Variants in IGF2BP2 observed in about 807,000 individuals in gnomAD.
IGF2BP2 encodes the protein insulin-like growth factor 2 mRNA-binding protein 2.
IGF2BP2 carries 17 observed loss-of-function variants against 75.8 expected under a neutral mutation model. The ratio of observed to expected loss-of-function variants is 0.22; its 90% CI spans 0.15 to 0.34. IGF2BP2 has a LOEUF of 0.34. IGF2BP2 is among the 10% of genes least tolerant of loss of function. IGF2BP2 has a pLI of 1.00. For synonymous variants in IGF2BP2, 288 were observed against 295.6 expected (o/e 0.97, Z 0.26); for missense variants, 516 against 772.4 (o/e 0.67, Z 3.93).
intron 2 of IGF2BP2, among the ~76,000 whole-genome samples, chr3:185,752,082 G>A (rs2149637756): frequency 6.6e-6 from 1 of 152,232 alleles, no homozygotes; most frequent in South Asian, 2.1e-4. Flanking sequence ...TTAGTATATT[G>A]TACAAGTCTT....
At chr3:185,678,219 T>C (rs1719845254) in intron 7 of IGF2BP2, among the ~76,000 whole-genome samples, 1 of 152,230 alleles carries the variant, frequency 6.6e-6, no homozygotes. Flanking sequence ...AAAGCAATTG[T>C]GACATACAAA....
At chr3:185,728,596 T>C (rs965327779) in intron 2 of IGF2BP2, 1 of 152,228 alleles carries the variant, frequency 6.6e-6, no homozygotes, top group Non-Finnish European at 1.5e-5. Context: ...GTGAGTCTTA[T>C]AATTTTCAAA....
intron 7 of IGF2BP2, among the ~76,000 whole-genome samples, chr3:185,685,563 T>C (rs947101066): frequency 1.3e-5 from 2 of 152,214 alleles, no homozygotes; most frequent in East Asian, 3.8e-4. Context: ...GGAACACTCA[T>C]GTTTGACATT....
chr3:185,759,526 C>T (rs375772376), intron 2 of IGF2BP2, among the ~76,000 whole-genome samples: 4 of 152,098 alleles, frequency 2.6e-5, no homozygotes, highest in Non-Finnish European at 5.9e-5. Flanking sequence ...CTGTAAAGGG[C>T]GAAACTACGC....
chr3:185,766,083 T>C (rs1232127224), intron 2 of IGF2BP2, among the ~76,000 whole-genome samples: 2 of 152,158 alleles, frequency 1.3e-5, no homozygotes, highest in African/African-American at 4.8e-5. Context: ...AAGAACCCGA[T>C]GGCTGGGTAG....
intron 4 of IGF2BP2, among the ~76,000 whole-genome samples, chr3:185,695,324 T>C (rs946256274): frequency 6.6e-6 from 1 of 152,184 alleles, no homozygotes; most frequent in Non-Finnish European, 1.5e-5. Context: ...TAAGTGAACT[T>C]GAACAATCCC....
chr3:185,737,131 A>G (rs1394476065), intron 2 of IGF2BP2, among the ~76,000 whole-genome samples: 1 of 152,174 alleles, frequency 6.6e-6, no homozygotes, highest in Non-Finnish European at 1.5e-5. Context: ...TGATGTTTAC[A>G]TCCTTCACAT....
At chr3:185,748,383 A>G (rs1490633965) in intron 2 of IGF2BP2, among the ~76,000 whole-genome samples, 1 of 152,198 alleles carries the variant, frequency 6.6e-6, no homozygotes, top group Admixed American at 6.5e-5. Context: ...TAGCAACTGG[A>G]AAATAGAAAA....
intron 2 of IGF2BP2, among the ~76,000 whole-genome samples, chr3:185,815,273 C>G (rs981151514): frequency 2.0e-5 from 3 of 152,168 alleles, no homozygotes; most frequent in African/African-American, 7.2e-5. Context: ...TAAAAATATA[C>G]TGAACTTGAG....
Position 185,649,447 on chromosome 3 carries a change from G to A in IGF2BP2, c.1549C>T (p.Pro517Ser). The A allele has an allele frequency of 6.2e-7, 1 of 1,614,034 alleles. No homozygotes were observed. The highest frequency in any genetic ancestry group is 8.5e-7 in the Non-Finnish European group (1 of 1,180,006). ...ATCACCCGGCCAGCTGTGGAAGAGG[G>A]CACTCTGATATGCGCTTCCAGCTTC... ...EVKLEAHIRV[P>S]SSTAGRVIGK... The change falls in exon 14 of 16, where the codon CCC becomes TCC. Residue 517 changes from proline (P) to serine (S), a missense_variant. Coordinates refer to ENST00000382199, the MANE Select transcript of IGF2BP2 (RefSeq NM_006548.6).
chr3:185,684,282 A>T (rs1477233788), intron 7 of IGF2BP2, among the ~76,000 whole-genome samples: 3 of 152,028 alleles, frequency 2.0e-5, no homozygotes, highest in African/African-American at 7.2e-5. Flanking sequence ...GGGCTCTGTC[A>T]CCTACACAGG....
At chr3:185,702,334 T>C (rs1723417846) in intron 2 of IGF2BP2, among the ~76,000 whole-genome samples, 1 of 151,984 alleles carries the variant, frequency 6.6e-6, no homozygotes, top group Non-Finnish European at 1.5e-5. Flanking sequence ...GGGAAGGAGG[T>C]GTTCGTTTCC....
chr3:185,740,307 T>C (rs1729379396), intron 2 of IGF2BP2, among the ~76,000 whole-genome samples: 1 of 152,248 alleles, frequency 6.6e-6, no homozygotes, highest in African/African-American at 2.4e-5. Context: ...ACCATTCATT[T>C]ACCATTTAAT....
intron 2 of IGF2BP2, among the ~76,000 whole-genome samples, chr3:185,702,755 T>C (rs932798042): frequency 6.6e-6 from 1 of 152,066 alleles, no homozygotes; most frequent in African/African-American, 2.4e-5. Flanking sequence ...CCCATCTCTA[T>C]CTTTAAACAC....
At chr3:185,824,313 G>C (rs776250301) in intron 1 of IGF2BP2, among the ~76,000 whole-genome samples, 3 of 151,504 alleles carry the variant, frequency 2.0e-5, no homozygotes, top group African/African-American at 4.9e-5. Context: ...GAGAGGTTCT[G>C]GGCACGAGGC....
At chr3:185,746,559 G>C (rs945347122) in intron 2 of IGF2BP2, among the ~76,000 whole-genome samples, 4 of 152,086 alleles carry the variant, frequency 2.6e-5, no homozygotes, top group African/African-American at 9.7e-5. Flanking sequence ...AATGTCTCTC[G>C]CTTCTGGATC....
Position 185,643,773 on chromosome 3 carries a change from T to A in IGF2BP2, c.*1758A>T, listed in dbSNP as rs1280939236. ...CTGGATATATTTCTGTTTTTTCTTT[T>A]TTTTTCTTTTTTTTTTTTTTTTTTT... On this transcript the variant is annotated 3_prime_UTR_variant, in exon 16 of 16. Coordinates refer to ENST00000382199, the MANE Select transcript of IGF2BP2 (RefSeq NM_006548.6). The A allele has an allele frequency of 7.1e-6, 1 of 141,524 alleles. No homozygotes were observed. The highest frequency in any genetic ancestry group is 2.8e-5 in the African/African-American group (1 of 35,232). The allele number at this position is 141,524 out of a possible 1,614,324, so 8.8% of individuals were successfully genotyped here.
At chr3:185,652,392 G>C (rs551076466) in intron 12 of IGF2BP2, among the ~76,000 whole-genome samples, 2 of 152,318 alleles carry the variant, frequency 1.3e-5, no homozygotes, top group Non-Finnish European at 2.9e-5. Flanking sequence ...GGGACAGTCA[G>C]ACACAGGCCA....
At chr3:185,661,281 A>T (rs1278793230) in intron 10 of IGF2BP2, among the ~76,000 whole-genome samples, 1 of 152,226 alleles carries the variant, frequency 6.6e-6, no homozygotes, top group Admixed American at 6.5e-5. Flanking sequence ...ATCCACAAAC[A>T]GACTCAAATA....
Sources: allele counts gnomAD v4.1 joint callset (sites outside exome capture counted in the v4.1 genomes callset), GRCh38; gene constraint gnomAD v4.1.1; transcripts MANE v1.5; gene names NCBI Gene and HGNC (gene_info 2026-07-23, HGNC 2026-07-21).